Variants in ERCC6L2 observed in about 807,000 individuals in gnomAD.
ERCC6L2 encodes DNA excision repair protein ERCC-6-like 2.
Under a neutral mutation model 132.0 loss-of-function variants are expected in ERCC6L2, and 77 were observed. The ratio of observed to expected loss-of-function variants is 0.58; its 90% CI spans 0.49 to 0.71. The LOEUF (loss-of-function observed/expected upper bound fraction) is 0.71, where lower values mean the gene tolerates loss of function less well. Ranked by LOEUF, ERCC6L2 falls within the 30% of genes least tolerant of loss-of-function variation. The pLI, the probability that ERCC6L2 is intolerant of heterozygous loss-of-function variation, is 0.00. For synonymous variants in ERCC6L2, 583 were observed against 632.4 expected (o/e 0.92, Z 1.17); for missense variants, 1,542 against 1,837.6 (o/e 0.84, Z 2.94).
At chr9:95,954,591 G>A (rs1831505755) in intron 12 of ERCC6L2, 3 of 353,878 alleles carry the variant, frequency 8.5e-6, no homozygotes, top group Admixed American at 3.8e-5. Flanking sequence ...TAGGCGCACA[G>A]TAACAAGTGT....
At chr9:96,007,558 C>G (rs182912174) in intron 18 of ERCC6L2, among the ~76,000 whole-genome samples, 2 of 152,270 alleles carry the variant, frequency 1.3e-5, no homozygotes, top group East Asian at 3.9e-4. Flanking sequence ...AAAGAATGGT[C>G]TGGAAGCAGC....
At chr9:95,937,826 A>T (rs574629200) in intron 11 of ERCC6L2, among the ~76,000 whole-genome samples, 1 of 148,776 alleles carries the variant, frequency 6.7e-6, no homozygotes, top group Non-Finnish European at 1.5e-5. Flanking sequence ...CTGCTTTTTT[A>T]TTTATTATTT....
At chr9:95,993,473 C>T (rs187250217) in intron 17 of ERCC6L2, among the ~76,000 whole-genome samples, 57 of 152,210 alleles carry the variant, frequency 3.7e-4, no homozygotes, top group African/African-American at 1.3e-3. Context: ...GTCAGCAGAC[C>T]CCAGGGAGAT....
chr9:95,899,633 C>T (rs2770838), intron 3 of ERCC6L2, among the ~76,000 whole-genome samples: 60,423 of 120,518 alleles, frequency 0.5, 12,886 homozygotes, highest in East Asian at 0.6. Flanking sequence ...TGTGTGTGTG[C>T]GTATGTATGC....
chr9:95,957,408 A>AT (rs34977945), intron 13 of ERCC6L2, among the ~76,000 whole-genome samples: 5,554 of 136,894 alleles, frequency 0.041, 276 homozygotes, highest in African/African-American at 0.12. Flanking sequence ...TAAACAGTTC[A>AT]TTTTTTTTTT....
At chr9:95,913,802 T>C (rs1460917837) in intron 4 of ERCC6L2, among the ~76,000 whole-genome samples, 2 of 152,216 alleles carry the variant, frequency 1.3e-5, no homozygotes, top group Non-Finnish European at 2.9e-5. Flanking sequence ...ACATAATGTT[T>C]TTGAAGTTCA....
At position 95,907,730 on chromosome 9, in the gene ERCC6L2, A is replaced by G. The variant is rs139845989; in HGVS notation, c.788+459A>G. Among the ~76,000 whole-genome samples, 129 of 152,058 alleles carry G rather than the reference A, an allele frequency of 8.5e-4. 1 individual carries two copies. The highest frequency in any genetic ancestry group is 2.8e-3 in the African/African-American group (118 of 41,470). On this transcript the variant is annotated intron_variant, in intron 4 of 18. Coordinates refer to ENST00000653738, the MANE Select transcript of ERCC6L2 (RefSeq NM_020207.7). ...AAGACTTGTCCTAAATCTCATGTACAGCCTTTTATGCAGACACTGCCTCTG... is the reference window on the plus strand; with the variant it reads ...AAGACTTGTCCTAAATCTCATGTACGGCCTTTTATGCAGACACTGCCTCTG...
chr9:96,012,759 A>G lies in ERCC6L2; in HGVS notation c.4209A>G (p.Gln1403=). ...GGTTAGAAAATACCATGAAAGACCA[A>G]CAGGACCTCACAAGAACGGGCATTT... ...ERRLENTMKD[Q]QDLTRTGISR... Residue 1403 remains glutamine, a synonymous_variant, in exon 19 of 19, where the codon CAA becomes CAG. Transcript: ENST00000653738. 7.3e-7 allele frequency: 1 copy of G among 1,367,660 alleles called. No individual in the cohort carries two copies. The highest frequency in any genetic ancestry group is 1.1e-5 in the South Asian group (1 of 88,042). 84.7% of individuals were successfully genotyped at this position (1,367,660 alleles called of 1,614,324 possible).
At chr9:95,925,553 A>G (rs1830064143) in intron 9 of ERCC6L2, among the ~76,000 whole-genome samples, 1 of 152,172 alleles carries the variant, frequency 6.6e-6, no homozygotes. Flanking sequence ...ACATCTGTTG[A>G]TTACATTGTC....
At chr9:95,939,254 T>C (rs1208151108) in intron 11 of ERCC6L2, among the ~76,000 whole-genome samples, 2 of 152,058 alleles carry the variant, frequency 1.3e-5, no homozygotes, top group South Asian at 4.1e-4. Flanking sequence ...TCCTCTTTCC[T>C]TTCTGTTCTA....
intron 4 of ERCC6L2, among the ~76,000 whole-genome samples, chr9:95,909,719 T>A (rs1250278156): frequency 2.0e-5 from 3 of 152,194 alleles, no homozygotes; most frequent in African/African-American, 7.2e-5. Flanking sequence ...GATTTTTGGG[T>A]TTTTCCAGTT....
At chr9:95,996,956 G>A (rs1833491882) in intron 17 of ERCC6L2, among the ~76,000 whole-genome samples, 1 of 152,158 alleles carries the variant, frequency 6.6e-6, no homozygotes, top group African/African-American at 2.4e-5. Context: ...TACAGAGCCG[G>A]GCACAGTGGC....
intron 2 of ERCC6L2, among the ~76,000 whole-genome samples, chr9:95,895,221 G>A (rs1013715173): frequency 6.6e-6 from 1 of 151,588 alleles, no homozygotes; most frequent in African/African-American, 2.4e-5. Flanking sequence ...TTTTGTCTCA[G>A]CATCTTTATC....
intron 13 of ERCC6L2, among the ~76,000 whole-genome samples, chr9:95,957,876 G>GT (rs59212662): frequency 0.12 from 17,993 of 145,760 alleles, 1,164 homozygotes; most frequent in African/African-American, 0.17. Flanking sequence ...TTATGTTTTT[G>GT]TTTTTTTTTT....
intron 2 of ERCC6L2, among the ~76,000 whole-genome samples, chr9:95,887,642 T>C (rs1178486892): frequency 1.3e-5 from 2 of 152,222 alleles, no homozygotes; most frequent in Non-Finnish European, 2.9e-5. Context: ...ATGTCATTAC[T>C]GAAGGCTGTC....
At chr9:95,942,389 G>A (rs2132884155) in intron 12 of ERCC6L2, among the ~76,000 whole-genome samples, 1 of 152,064 alleles carries the variant, frequency 6.6e-6, no homozygotes, top group South Asian at 2.1e-4. Flanking sequence ...AGACATTGAA[G>A]GGAATAAAAT....
At chr9:95,981,584 T>C (rs1350350271) in intron 17 of ERCC6L2, among the ~76,000 whole-genome samples, 1 of 152,194 alleles carries the variant, frequency 6.6e-6, no homozygotes, top group Non-Finnish European at 1.5e-5. Context: ...AACAGCTCAT[T>C]TTAACAAGAC....
intron 16 of ERCC6L2, among the ~76,000 whole-genome samples, chr9:95,973,297 C>T (rs1332322420): frequency 6.6e-6 from 1 of 152,148 alleles, no homozygotes; most frequent in Admixed American, 6.5e-5. Context: ...GGACCCCCTC[C>T]ATGTGCCCAT....
chr9:95,895,813 C>G (rs1828427786), intron 2 of ERCC6L2, among the ~76,000 whole-genome samples: 1 of 151,434 alleles, frequency 6.6e-6, no homozygotes, highest in Non-Finnish European at 1.5e-5. Context: ...TGCAAACTCC[C>G]TCTCCCAGGT....
Sources: allele counts gnomAD v4.1 joint callset (sites outside exome capture counted in the v4.1 genomes callset), GRCh38; gene constraint gnomAD v4.1.1; transcripts MANE v1.5; gene names NCBI Gene and HGNC (gene_info 2026-07-23, HGNC 2026-07-21).